The following PPHLN1 variants were observed in gnomAD, a reference collection of about 807,000 sequenced individuals.
The protein encoded by PPHLN1 is periphilin-1.
A neutral mutation model predicts 51.3 loss-of-function variants in PPHLN1; 29 were observed. That is an observed-to-expected ratio of 0.57 (90% CI 0.42 to 0.77). The LOEUF (loss-of-function observed/expected upper bound fraction) is 0.77. Ranked by LOEUF, PPHLN1 falls within the 30% of genes least tolerant of loss-of-function variation. The pLI is 0.00. For synonymous variants in PPHLN1, 147 were observed against 147.8 expected (o/e 0.99, Z 0.04); for missense variants, 436 against 438.4 (o/e 0.99, Z 0.05).
chr12:42,425,028 T>G (rs1009734371), intron 9 of PPHLN1, among the ~76,000 whole-genome samples: 6 of 145,664 alleles, frequency 4.1e-5, no homozygotes, highest in South Asian at 2.2e-4. Flanking sequence ...GTTTTTATTT[T>G]TATTTTATTT....
intron 9 of PPHLN1, among the ~76,000 whole-genome samples, chr12:42,418,191 C>T (rs1244286466): frequency 2.1e-5 from 3 of 144,246 alleles, no homozygotes; most frequent in African/African-American, 7.7e-5. Context: ...TGCCCCGCCT[C>T]GACCACTGCT....
chr12:42,349,657 G>T (rs1458020586), intron 2 of PPHLN1, among the ~76,000 whole-genome samples: 7 of 152,122 alleles, frequency 4.6e-5, no homozygotes, highest in Admixed American at 2.6e-4. Flanking sequence ...AGCACATCTT[G>T]CACCGCCCTT....
chr12:42,445,846 C>G, downstream of PPHLN1: 1 of 1,209,330 alleles, frequency 8.3e-7, no homozygotes, highest in Non-Finnish European at 1.1e-6. Flanking sequence ...TAGAAAAGCA[C>G]TTTGCTAAAA....
chr12:42,378,601 T>A (rs981757199), intron 5 of PPHLN1, among the ~76,000 whole-genome samples: 16 of 152,144 alleles, frequency 1.1e-4, no homozygotes, highest in Admixed American at 5.9e-4. Context: ...TTAAAAAAAA[T>A]TAATTTTTTC....
intron 6 of PPHLN1, 82 bp downstream of exon 6, chr12:42,385,078 G>A: frequency 3.0e-6 from 4 of 1,352,382 alleles, no homozygotes; most frequent in Non-Finnish European, 4.2e-6. Flanking sequence ...AATGGGGAAA[G>A]TGTATAACTG....
intron 1 of PPHLN1, chr12:42,332,700 C>G (rs372723745): frequency 6.5e-7 from 1 of 1,527,196 alleles, no homozygotes; most frequent in Admixed American, 1.7e-5. Context: ...TAAAAGGACT[C>G]AAGTAAGTAT....
chr12:42,435,853 C>T (rs1170050088), intron 9 of PPHLN1, among the ~76,000 whole-genome samples: 4 of 152,132 alleles, frequency 2.6e-5, no homozygotes, highest in Admixed American at 2.6e-4. Flanking sequence ...TTTTACTCCT[C>T]AGTCCTCCAT....
chr12:42,344,271 C>T (rs1222486050), intron 2 of PPHLN1, among the ~76,000 whole-genome samples: 1 of 152,124 alleles, frequency 6.6e-6, no homozygotes, highest in African/African-American at 2.4e-5. Flanking sequence ...CATATGCCAT[C>T]GTATTTACTT....
Position 42,350,641 on chromosome 12 carries a change from G to A in PPHLN1, c.73-1244G>A, listed in dbSNP as rs187562606. ...CTGGGAGGTGGAGGTTGTAGCGAGC[G>A]GAGATCACGCCACTGCACTCCAGCC... On this transcript the variant is annotated intron_variant, in intron 2 of 9. Coordinates refer to ENST00000358314, the MANE Select transcript of PPHLN1 (RefSeq NM_201439.2). Among the ~76,000 whole-genome samples, 1,391 of 152,220 alleles carry A rather than the reference G, an allele frequency of 9.1e-3. 22 individuals carry two copies. The highest frequency in any genetic ancestry group is 0.031 in the African/African-American group (1,290 of 41,528).
intron 9 of PPHLN1, among the ~76,000 whole-genome samples, chr12:42,412,546 G>A (rs1769701062): frequency 6.6e-6 from 1 of 151,900 alleles, no homozygotes; most frequent in South Asian, 2.1e-4. Flanking sequence ...TACAATAAAC[G>A]TATACATGCA....
intron 9 of PPHLN1, among the ~76,000 whole-genome samples, chr12:42,435,317 C>T (rs888873976): frequency 2.6e-5 from 4 of 151,398 alleles, no homozygotes; most frequent in Non-Finnish European, 4.4e-5. Flanking sequence ...GTAATAATTT[C>T]ACTCACATAT....
chr12:42,447,418 A>G (rs1191011423), downstream of PPHLN1: 1 of 152,228 alleles, frequency 6.6e-6, no homozygotes, highest in African/African-American at 2.4e-5. Context: ...AACAAAGCGA[A>G]TAGGCAGTTA....
At chr12:42,441,216 C>CT in intron 9 of PPHLN1, 99 bp from the exon 10 acceptor site, 1 of 1,426,538 alleles carries the variant, frequency 7.0e-7, no homozygotes, top group Non-Finnish European at 9.4e-7. Flanking sequence ...TTGTGTCTCT[C>CT]TTTTAGATGT....
At chr12:42,405,640 T>G (rs1307983243) in intron 9 of PPHLN1, among the ~76,000 whole-genome samples, 3 of 151,392 alleles carry the variant, frequency 2.0e-5, no homozygotes, top group Non-Finnish European at 4.4e-5. Context: ...GACAATGCAA[T>G]ATATGTTATT....
At chr12:42,446,874 T>G, downstream of PPHLN1, 2 of 422,328 alleles carry the variant, frequency 4.7e-6, no homozygotes, top group Non-Finnish European at 8.4e-6. Flanking sequence ...GTAAAGGAAT[T>G]TATCTAGATA....
intron 1 of PPHLN1, among the ~76,000 whole-genome samples, chr12:42,327,148 T>C (rs2068921561): frequency 6.6e-6 from 1 of 152,250 alleles, no homozygotes; most frequent in Non-Finnish European, 1.5e-5. Context: ...TCTTCTGTGC[T>C]ATAGTCTCAT....
At chr12:42,430,891 A>G (rs2081983215) in intron 9 of PPHLN1, among the ~76,000 whole-genome samples, 1 of 152,230 alleles carries the variant, frequency 6.6e-6, no homozygotes, top group African/African-American at 2.4e-5. Flanking sequence ...ATTAAACAAA[A>G]CAAGATAAAA....
chr12:42,354,511 A>G (rs918169555), intron 3 of PPHLN1, among the ~76,000 whole-genome samples: 12 of 152,192 alleles, frequency 7.9e-5, no homozygotes, highest in Non-Finnish European at 1.8e-4. Context: ...CGCCTGGCCA[A>G]TTCTGTGTGT....
At chr12:42,428,735 T>C (rs1465745516) in intron 9 of PPHLN1, among the ~76,000 whole-genome samples, 1 of 151,946 alleles carries the variant, frequency 6.6e-6, no homozygotes, top group East Asian at 1.9e-4. Context: ...AACTTACTCA[T>C]GTAACCAAAC....
Sources: gnomAD v4.1 joint callset for allele counts (sites outside exome capture counted in the v4.1 genomes callset) on GRCh38, gnomAD v4.1.1 for gene constraint, MANE v1.5 for transcripts, NCBI Gene and HGNC (gene_info 2026-07-23, HGNC 2026-07-21) for gene names.